TMEM135: variants seen among roughly 807,000 people sequenced by gnomAD.
The protein encoded by TMEM135 is peroxisomal membrane protein 52.
A neutral mutation model predicts 60.3 loss-of-function variants in TMEM135; 30 were observed. The observed-to-expected ratio is 0.50, with a 90% CI of 0.37 to 0.68. The LOEUF (loss-of-function observed/expected upper bound fraction) is 0.68. TMEM135 is among the 30% of genes least tolerant of loss of function. TMEM135 has a pLI of 0.00. For missense variants in TMEM135, 468 were observed against 548.8 expected, an observed-to-expected ratio of 0.85 and a Z score of 1.47; for synonymous variants, 190 against 186.7, an observed-to-expected ratio of 1.02 and a Z score of -0.14.
chr11:87,063,156 A>G (rs1039268086), intron 1 of TMEM135, among the ~76,000 whole-genome samples: 2 of 152,154 alleles, frequency 1.3e-5, no homozygotes, highest in African/African-American at 4.8e-5. Context: ...ACATTCTAGT[A>G]TTTGTTCTGT....
intron 1 of TMEM135, among the ~76,000 whole-genome samples, chr11:87,039,846 A>G (rs947522985): frequency 6.6e-6 from 1 of 152,234 alleles, no homozygotes; most frequent in African/African-American, 2.4e-5. Context: ...TATTTGTTGA[A>G]TGCCTGATAC....
intron 5 of TMEM135, among the ~76,000 whole-genome samples, chr11:87,234,802 C>G (rs543953672): frequency 6.6e-6 from 1 of 152,048 alleles, no homozygotes; most frequent in East Asian, 1.9e-4. Context: ...TTCTCAGTTT[C>G]AAGTGTATTA....
At position 87,287,544 on chromosome 11, in the gene TMEM135, G is replaced by A. The variant is rs140813323; in HGVS notation, c.510-8238G>A. Among the ~76,000 whole-genome samples the A allele has an allele frequency of 1.4e-3, 214 of 152,276 alleles. 1 individual carries two copies. Among genetic ancestry groups the A allele is most frequent in the African/African-American group, 4.8e-3 (200 of 41,556 alleles). ...ATACAAAAATTAGCCGGGCCTAGTG[G>A]CAGGTGCCTATAATCCCAGCTAGTC... On this transcript the variant is annotated intron_variant, in intron 6 of 14. Transcript: ENST00000305494.
Position 87,261,249 on chromosome 11 carries a change from C to T in TMEM135, c.509+24565C>T, listed in dbSNP as rs1237003323. ...CCTCCCTCTTCCTTTCTTCTCAGCG[C>T]CAACCTCCTTTAATATTTCCTTATG... On this transcript the variant is annotated intron_variant, in intron 6 of 14. Transcript: ENST00000305494. 2.0e-5 allele frequency among the ~76,000 whole-genome samples: 3 copies of T among 152,138 alleles called. No homozygotes were observed. In the East Asian group the frequency reaches 5.8e-4, roughly 29 times the overall value.
chr11:87,328,606 A>T lies in TMEM135; in HGVS notation c.*7273A>T, dbSNP rs1452073034. 1 of 454,064 alleles carries T rather than the reference A, an allele frequency of 2.2e-6. No individual in the cohort carries two copies. The allele number at this position is 454,064 out of a possible 1,614,324, so 28.1% of individuals were successfully genotyped here. The stretch of plus-strand genomic sequence containing the variant: ...GAGAACATACAGAATTTGATTTTCT[A>T]TTCCGGAGTTACTTTACTTAGAATA... On this transcript the variant is annotated 3_prime_UTR_variant, in exon 15 of 15. Transcript: ENST00000305494.
At chr11:87,290,887 A>G (rs1942250748) in intron 6 of TMEM135, among the ~76,000 whole-genome samples, 1 of 152,214 alleles carries the variant, frequency 6.6e-6, no homozygotes. Flanking sequence ...TTAAGTTGAA[A>G]AGTCTACATA....
At chr11:87,284,717 T>C (rs1942132196) in intron 6 of TMEM135, among the ~76,000 whole-genome samples, 1 of 152,390 alleles carries the variant, frequency 6.6e-6, no homozygotes, top group East Asian at 1.9e-4. Flanking sequence ...AAAGGAATTC[T>C]ATTGGAAGTT....
At chr11:87,122,839 A>C (rs1321189804) in intron 4 of TMEM135, among the ~76,000 whole-genome samples, 6 of 152,192 alleles carry the variant, frequency 3.9e-5, no homozygotes, top group Admixed American at 1.3e-4. Flanking sequence ...ATCAGTACTC[A>C]GTACTGCACC....
At chr11:87,284,674 A>C (rs1942131493) in intron 6 of TMEM135, among the ~76,000 whole-genome samples, 1 of 152,242 alleles carries the variant, frequency 6.6e-6, no homozygotes, top group African/African-American at 2.4e-5. Flanking sequence ...ATAGAAAATA[A>C]TATTTTTAAT....
intron 4 of TMEM135, among the ~76,000 whole-genome samples, chr11:87,111,227 T>A (rs1188856305): frequency 2.0e-5 from 3 of 152,200 alleles, no homozygotes; most frequent in Admixed American, 6.5e-5. Context: ...TTTTTGGTCG[T>A]GAATTTAAAG....
chr11:87,271,360 C>G (rs1941858783), intron 6 of TMEM135, among the ~76,000 whole-genome samples: 1 of 152,110 alleles, frequency 6.6e-6, no homozygotes, highest in African/African-American at 2.4e-5. Flanking sequence ...TATTACCACC[C>G]TATGAACTTT....
intron 1 of TMEM135, among the ~76,000 whole-genome samples, chr11:87,066,895 C>T (rs1273138862): frequency 6.6e-6 from 1 of 150,798 alleles, no homozygotes; most frequent in Non-Finnish European, 1.5e-5. Context: ...ATTCTCCTGC[C>T]TCAGCCTCCC....
Position 87,288,542 on chromosome 11 carries a change from G to T in TMEM135, c.510-7240G>T, listed in dbSNP as rs137946348. ...CTCTTTTTACATCATAAGTGATTGA[G>T]AAGAATTCATTCTGTTTTTCCATTG... On this transcript the variant is annotated intron_variant, in intron 6 of 14. Coordinates refer to ENST00000305494, the MANE Select transcript of TMEM135 (RefSeq NM_022918.4). Among the ~76,000 whole-genome samples the T allele has an allele frequency of 5.3e-3, 811 of 152,274 alleles. 5 individuals carry two copies. The highest frequency in any genetic ancestry group is 0.031 in the Middle Eastern group (9 of 294).
intron 5 of TMEM135, among the ~76,000 whole-genome samples, chr11:87,195,569 G>T (rs1438018689): frequency 6.6e-6 from 1 of 152,066 alleles, no homozygotes; most frequent in East Asian, 1.9e-4. Context: ...TGGGATTACA[G>T]CTGGCTAATT....
intron 5 of TMEM135, among the ~76,000 whole-genome samples, chr11:87,168,075 A>G (rs190103947): frequency 9.2e-5 from 14 of 152,284 alleles, no homozygotes; most frequent in African/African-American, 1.7e-4. Flanking sequence ...CATTTCTTCT[A>G]GATTTTCTAG....
chr11:87,148,952 G>A (rs1028961077), intron 4 of TMEM135, among the ~76,000 whole-genome samples: 13 of 151,822 alleles, frequency 8.6e-5, no homozygotes, highest in African/African-American at 3.1e-4. Flanking sequence ...AATTCATATT[G>A]TGCTGAATTT....
chr11:87,053,475 A>T (rs1590981399), intron 1 of TMEM135, among the ~76,000 whole-genome samples: 1 of 152,178 alleles, frequency 6.6e-6, no homozygotes, highest in Non-Finnish European at 1.5e-5. Flanking sequence ...TTGAGTACTT[A>T]CTTAGGTGGT....
intron 4 of TMEM135, among the ~76,000 whole-genome samples, chr11:87,106,813 C>T (rs565150138): frequency 6.6e-6 from 1 of 152,134 alleles, no homozygotes; most frequent in African/African-American, 2.4e-5. Flanking sequence ...GTTTAATTGG[C>T]TAATGGTTCT....
At chr11:87,260,747 A>G (rs1852156095) in intron 6 of TMEM135, among the ~76,000 whole-genome samples, 1 of 151,892 alleles carries the variant, frequency 6.6e-6, no homozygotes, top group Admixed American at 6.6e-5. Context: ...TTTTTTAATC[A>G]AATGAGGTAT....
Sources: gnomAD v4.1 joint callset for allele counts (sites outside exome capture counted in the v4.1 genomes callset) on GRCh38, gnomAD v4.1.1 for gene constraint, MANE v1.5 for transcripts, NCBI Gene and HGNC (gene_info 2026-07-23, HGNC 2026-07-21) for gene names.